The following TMEM108 variants were observed in gnomAD, a reference collection of about 807,000 sequenced individuals.
TMEM108 encodes cancer/testis antigen 124.
In TMEM108, 12 loss-of-function variants were observed where a neutral mutation model predicts 35.1. The observed-to-expected ratio is 0.34, with a 90% confidence interval of 0.22 to 0.55. TMEM108 has a LOEUF of 0.55. Ranked by LOEUF, TMEM108 falls within the 20% of genes least tolerant of loss-of-function variation. The probability of loss-of-function intolerance (pLI) is 0.89; values close to 1 mark genes in which losing one functional copy is unlikely to be tolerated. For missense variants in TMEM108, 680 were observed against 753.3 expected, an observed-to-expected ratio of 0.90 and a Z score of 1.14; for synonymous variants, 287 against 308.6, an observed-to-expected ratio of 0.93 and a Z score of 0.73.
chr3:133,199,680 G>T (rs1298647974), intron 2 of TMEM108, among the ~76,000 whole-genome samples: 2 of 152,172 alleles, frequency 1.3e-5, no homozygotes, highest in African/African-American at 4.8e-5. Flanking sequence ...AGCCGTATGA[G>T]GTGTCAGTCG....
At chr3:133,173,084 A>G (rs1488256216) in intron 2 of TMEM108, among the ~76,000 whole-genome samples, 1 of 152,188 alleles carries the variant, frequency 6.6e-6, no homozygotes, top group Non-Finnish European at 1.5e-5. Context: ...CAGCATGAGA[A>G]CAGACTACCA....
chr3:133,297,167 G>C (rs1947157502), intron 3 of TMEM108, among the ~76,000 whole-genome samples: 1 of 152,210 alleles, frequency 6.6e-6, no homozygotes, highest in Admixed American at 6.5e-5. Context: ...TATTTCATTT[G>C]TGTCTTCGCT....
chr3:133,222,817 CACTTA>C, intron 2 of TMEM108, among the ~76,000 whole-genome samples: 1 of 151,888 alleles, frequency 6.6e-6, no homozygotes, highest in East Asian at 1.9e-4. Context: ...TGTTTCTCTG[CACTTA>C]ACTTCCTTCA....
At chr3:133,085,735 ACTT>A (rs1455604703) in intron 2 of TMEM108, among the ~76,000 whole-genome samples, 15 of 151,744 alleles carry the variant, frequency 9.9e-5, no homozygotes, top group African/African-American at 3.1e-4. Context: ...TTCTTGCTAG[ACTT>A]CTTCTTTTTT....
At chr3:133,331,604 T>G (rs955248678) in intron 3 of TMEM108, among the ~76,000 whole-genome samples, 2 of 152,226 alleles carry the variant, frequency 1.3e-5, no homozygotes, top group African/African-American at 4.8e-5. Context: ...ATATAGAAAC[T>G]GCCCTGAGCA....
chr3:133,342,544 GTATA>G (rs1553764021), intron 3 of TMEM108, among the ~76,000 whole-genome samples: 1 of 46,640 alleles, frequency 2.1e-5, no homozygotes, highest in Non-Finnish European at 4.5e-5. Context: ...AGAAAATGTG[GTATA>G]TATATATACA....
chr3:133,040,206 G>GTTTT (rs375124979), intron 1 of TMEM108, among the ~76,000 whole-genome samples: 59 of 129,892 alleles, frequency 4.5e-4, no homozygotes, highest in Middle Eastern at 3.9e-3. Context: ...TTGTTTGTTT[G>GTTTT]TTTTTTTTTT....
At chr3:133,174,076 C>G (rs1576360953) in intron 2 of TMEM108, among the ~76,000 whole-genome samples, 1 of 152,228 alleles carries the variant, frequency 6.6e-6, no homozygotes, top group African/African-American at 2.4e-5. Flanking sequence ...GAGCCTTGCT[C>G]ATTGCTAGCA....
intron 2 of TMEM108, among the ~76,000 whole-genome samples, chr3:133,200,665 A>T (rs759826489): frequency 6.6e-6 from 1 of 152,170 alleles, no homozygotes; most frequent in South Asian, 2.1e-4. Context: ...TCTTATATCA[A>T]TGACTTCCCA....
At chr3:133,188,567 CA>C (rs1268465216) in intron 2 of TMEM108, among the ~76,000 whole-genome samples, 2 of 152,052 alleles carry the variant, frequency 1.3e-5, no homozygotes, top group Non-Finnish European at 2.9e-5. Context: ...GGGCAATAAA[CA>C]CTGTCCGTCT....
intron 3 of TMEM108, among the ~76,000 whole-genome samples, chr3:133,311,927 T>C (rs1455366979): frequency 6.6e-6 from 1 of 152,256 alleles, no homozygotes; most frequent in Non-Finnish European, 1.5e-5. Context: ...ATGTTGGTGC[T>C]ATTCCTTTCT....
chr3:133,382,110 C>T (rs2073029470), intron 4 of TMEM108, among the ~76,000 whole-genome samples: 5 of 152,178 alleles, frequency 3.3e-5, no homozygotes, highest in Admixed American at 3.3e-4. Flanking sequence ...TAGAGTTTCT[C>T]TGATAGCCTT....
chr3:133,244,497 A>G (rs1480426756), intron 3 of TMEM108, among the ~76,000 whole-genome samples: 1 of 152,204 alleles, frequency 6.6e-6, no homozygotes, highest in Admixed American at 6.5e-5. Context: ...AACATTTGTC[A>G]TATGCCCCTG....
chr3:133,156,245 A>C (rs1220431166), intron 2 of TMEM108, among the ~76,000 whole-genome samples: 1 of 152,146 alleles, frequency 6.6e-6, no homozygotes, highest in East Asian at 1.9e-4. Context: ...ACAACCTTAC[A>C]AATATTTGCC....
chr3:133,390,103 C>G, intron 4 of TMEM108, 77 bp from the exon 5 acceptor site: 1 of 1,571,128 alleles, frequency 6.4e-7, no homozygotes, highest in Non-Finnish European at 8.7e-7. Context: ...GGGAACTCTC[C>G]TCATCAGTTC....
chr3:133,301,971 T>TG (rs1311977600), intron 3 of TMEM108, among the ~76,000 whole-genome samples: 2 of 152,174 alleles, frequency 1.3e-5, no homozygotes, highest in Non-Finnish European at 2.9e-5. Context: ...CCTCTGCCTC[T>TG]GATGTAATGG....
At chr3:133,108,175 A>T (rs1024664334) in intron 2 of TMEM108, among the ~76,000 whole-genome samples, 2 of 152,044 alleles carry the variant, frequency 1.3e-5, no homozygotes, top group African/African-American at 4.8e-5. Flanking sequence ...AGGTTGCAAT[A>T]AGCCAAGATC....
intron 3 of TMEM108, among the ~76,000 whole-genome samples, chr3:133,309,992 G>A (rs1264016173): frequency 3.3e-5 from 5 of 152,150 alleles, no homozygotes; most frequent in African/African-American, 4.8e-5. Flanking sequence ...GAGCCACCGC[G>A]CCCGGCCTTG....
rs78951342 is a variant in TMEM108, at chr3:133,328,280, T to C, written c.41-51472T>C. Among the ~76,000 whole-genome samples, 1,194 of 152,270 alleles carry C rather than the reference T, an allele frequency of 7.8e-3. 20 individuals carry two copies. The highest frequency in any genetic ancestry group is 0.027 in the African/African-American group (1,133 of 41,540). ...AGGGAATTAATTATTTGTGCCTGAG[T>C]GTAAGACCATGTCATGACCTTCCGA... On this transcript the variant is annotated intron_variant, in intron 3 of 5. Transcript: ENST00000321871.
Sources: allele counts gnomAD v4.1 joint callset (sites outside exome capture counted in the v4.1 genomes callset), GRCh38; gene constraint gnomAD v4.1.1; transcripts MANE v1.5; gene names NCBI Gene and HGNC (gene_info 2026-07-23, HGNC 2026-07-21).